The following SLC16A6 variants were observed in gnomAD, a reference collection of about 807,000 sequenced individuals.
SLC16A6 encodes the protein monocarboxylate transporter 7.
SLC16A6 carries 15 observed loss-of-function variants against 33.8 expected under a neutral mutation model. The ratio of observed to expected loss-of-function variants is 0.44; its 90% confidence interval spans 0.30 to 0.68. SLC16A6 has a LOEUF of 0.68. SLC16A6 is among the 30% of genes least tolerant of loss of function. SLC16A6 has a pLI of 0.10. For synonymous variants in SLC16A6, 219 were observed against 248.4 expected, an observed-to-expected ratio of 0.88 and a Z score of 1.11; for missense variants, 451 against 661.5, an observed-to-expected ratio of 0.68 and a Z score of 3.49.
At chr17:68,277,332 A>G (rs1555751295) in intron 2 of SLC16A6, among the ~76,000 whole-genome samples, 2 of 151,906 alleles carry the variant, frequency 1.3e-5, no homozygotes, top group East Asian at 1.9e-4. Context: ...GGGTTTCACT[A>G]TGTTGGTCAG....
intron 1 of SLC16A6, among the ~76,000 whole-genome samples, chr17:68,284,942 G>A (rs1041125599): frequency 1.1e-4 from 16 of 152,090 alleles, no homozygotes; most frequent in African/African-American, 3.4e-4. Context: ...CCCGGACCCT[G>A]CCTGTACCTT....
intron 1 of SLC16A6, among the ~76,000 whole-genome samples, chr17:68,287,933 T>C (rs890616417): frequency 1.1e-4 from 16 of 151,014 alleles, no homozygotes; most frequent in African/African-American, 3.9e-4. Flanking sequence ...TTCTCTTCTC[T>C]TCTTCTCTTC....
At chr17:68,291,297 T>TC (rs1229478476), upstream of SLC16A6, 1 of 32,188 alleles carries the variant, frequency 3.1e-5, no homozygotes, top group African/African-American at 1.3e-4. Context: ...AGCCACACCC[T>TC]CCCCCCGCCC....
chr17:68,271,263 T>C lies in SLC16A6; in HGVS notation c.897A>G (p.Leu299=). The change falls in exon 5 of 6, where the codon TTA becomes TTG. Residue 299 remains leucine, a synonymous_variant. Coordinates refer to ENST00000580666, the MANE Select transcript of SLC16A6 (RefSeq NM_004694.5). This position sits in a 1 kb window ranked among gnomAD's most constrained non-coding sequence, Gnocchi z 5.3. ...LKEKSFICYA[L]FGLFATLGFF... ...ATCCCAGTGTTGCAAAGAGACCAAA[T>C]AATGCATAACAAATAAAACTTTTCT... The C allele has an allele frequency of 6.2e-7, 1 of 1,614,166 alleles. No homozygotes were observed. The highest frequency in any genetic ancestry group is 1.3e-5 in the African/African-American group (1 of 75,050).
rs1555750015 is a variant in SLC16A6 at position 68,273,971 on chromosome 17, GAGA to G, written c.329_331del (p.Phe110del). The G allele has an allele frequency of 1.2e-6, 2 of 1,614,060 alleles. No individual in the cohort carries two copies. The highest frequency in any genetic ancestry group is 1.7e-6 in the Non-Finnish European group (2 of 1,180,032). On this transcript the variant is annotated inframe_deletion, in exon 3 of 6. Coordinates refer to ENST00000580666, the MANE Select transcript of SLC16A6 (RefSeq NM_004694.5). ...GACGTACATATGAGAAACCTCTTGTGAGAAGGAGGCGGCCACCATCCCGGTGCT... is the reference window on the plus strand; with the variant it reads ...GACGTACATATGAGAAACCTCTTGTGAGGAGGCGGCCACCATCCCGGTGCT...
rs368025684 is a variant in SLC16A6, at chr17:68,280,711, T to C, written c.-7-2384A>G. On this transcript the variant is annotated intron_variant, in intron 1 of 5. Coordinates refer to ENST00000580666, the MANE Select transcript of SLC16A6 (RefSeq NM_004694.5). ...AGAAGAAAACATAGGGGAAACACTT[T>C]AGGACATTTGTCTGAGGAAAGATTT... Among the ~76,000 whole-genome samples, 55 of 152,312 alleles carry C rather than the reference T, an allele frequency of 3.6e-4. 1 individual carries two copies. The South Asian group carries it at 0.011, about 30-fold the overall frequency.
At chr17:68,288,821 A>C (rs1446887684) in intron 1 of SLC16A6, among the ~76,000 whole-genome samples, 1 of 152,214 alleles carries the variant, frequency 6.6e-6, no homozygotes, top group Non-Finnish European at 1.5e-5. Flanking sequence ...CTGCACAGTT[A>C]TGGAAACCAC....
At chr17:68,272,052 C>T (rs1359025242) in intron 4 of SLC16A6, among the ~76,000 whole-genome samples, 6 of 152,096 alleles carry the variant, frequency 3.9e-5, no homozygotes, top group East Asian at 3.9e-4. Context: ...CTGCCTGCCT[C>T]GGCCTCTCAA....
chr17:68,277,426 G>A (rs142020961), intron 2 of SLC16A6, among the ~76,000 whole-genome samples: 2,349 of 151,364 alleles, frequency 0.016, 54 homozygotes, highest in African/African-American at 0.054. Context: ...CACCGCGCCC[G>A]GCCGCAACTT....
At chr17:68,270,230 T>C (rs2075291592) in intron 5 of SLC16A6, among the ~76,000 whole-genome samples, 1 of 152,134 alleles carries the variant, frequency 6.6e-6, no homozygotes, top group Non-Finnish European at 1.5e-5. Context: ...CCATGAGTTC[T>C]TGCCTAGCAT....
At chr17:68,282,779 T>TTAAA (rs1188538323) in intron 1 of SLC16A6, among the ~76,000 whole-genome samples, 3 of 53,398 alleles carry the variant, frequency 5.6e-5, no homozygotes, top group Non-Finnish European at 9.9e-5. Flanking sequence ...CCATCTCTAC[T>TTAAA]AAAAAAAAAA....
intron 2 of SLC16A6, 146 bp downstream of exon 2, chr17:68,277,943 G>C (rs1418248258): frequency 1.6e-6 from 1 of 609,054 alleles, no homozygotes; most frequent in Non-Finnish European, 2.9e-6. Flanking sequence ...TCAATGCTCT[G>C]AAAACCCTGT....
At chr17:68,270,553 CAAA>C (rs1318666864) in intron 5 of SLC16A6, among the ~76,000 whole-genome samples, 3 of 84,254 alleles carry the variant, frequency 3.6e-5, no homozygotes, top group African/African-American at 4.5e-5. Flanking sequence ...GACTCCATCT[CAAA>C]AAAAAAAAAA....
In SLC16A6 at chr17:68,268,307, A is replaced by T. The variant is rs2075217599; in HGVS notation, c.*789T>A. ...ACACTACAGTCACATATTTCTGTAT[A>T]ACTAAAAGCAACAGGAAACACATTT... On this transcript the variant is annotated 3_prime_UTR_variant, in exon 6 of 6. Coordinates refer to ENST00000580666, the MANE Select transcript of SLC16A6 (RefSeq NM_004694.5). 6.6e-6 allele frequency: 1 copy of T among 152,606 alleles called. No individual in the cohort carries two copies. The highest frequency in any genetic ancestry group is 1.5e-5 in the Non-Finnish European group (1 of 68,036). 9.5% of individuals were successfully genotyped at this position (152,606 alleles called of 1,614,324 possible).
At chr17:68,286,020 A>C (rs2075833782) in intron 1 of SLC16A6, among the ~76,000 whole-genome samples, 1 of 152,108 alleles carries the variant, frequency 6.6e-6, no homozygotes. Flanking sequence ...CGGCCTCCCA[A>C]AGTGCTGGGA....
chr17:68,274,297 C>T, intron 2 of SLC16A6: 1 of 387,938 alleles, frequency 2.6e-6, no homozygotes, highest in South Asian at 4.4e-5. Context: ...GAAACCCCGT[C>T]TCTACAAAAA....
At chr17:68,290,184 C>A (rs1329142818) in intron 1 of SLC16A6, among the ~76,000 whole-genome samples, 1 of 152,164 alleles carries the variant, frequency 6.6e-6, no homozygotes, top group African/African-American at 2.4e-5. Context: ...CAAACAAAAC[C>A]GGCTTCCAGG....
chr17:68,291,440 C>T (rs1410274766), upstream of SLC16A6: 15 of 150,940 alleles, frequency 9.9e-5, no homozygotes, highest in African/African-American at 3.4e-4. Flanking sequence ...CGCCGCCGAC[C>T]ATGTGCTGCG....
intron 1 of SLC16A6, chr17:68,283,189 G>T: frequency 6.6e-6 from 1 of 152,110 alleles, no homozygotes. Context: ...ATCACTTTAG[G>T]AGGTCGAGGT....
Sources: gnomAD v4.1 joint callset for allele counts (sites outside exome capture counted in the v4.1 genomes callset) on GRCh38, gnomAD v4.1.1 for gene constraint, Gnocchi (gnomAD v3.1) non-coding constraint, MANE v1.5 for transcripts, NCBI Gene and HGNC (gene_info 2026-07-23, HGNC 2026-07-21) for gene names.